TAMM41: variants seen among roughly 807,000 people sequenced by gnomAD.
The protein encoded by TAMM41 is phosphatidate cytidylyltransferase, mitochondrial.
A neutral mutation model predicts 44.1 loss-of-function variants in TAMM41; 36 were observed. The ratio of observed to expected loss-of-function variants is 0.82; its 90% CI spans 0.63 to 1.08. The LOEUF (loss-of-function observed/expected upper bound fraction) is 1.08, where lower values mean the gene tolerates loss of function less well. Ranked by LOEUF, TAMM41 falls within the 50% of genes least tolerant of loss-of-function variation. The pLI is 0.00. For synonymous variants in TAMM41, 164 were observed against 153.1 expected (o/e 1.07, Z -0.53); for missense variants, 417 against 404.3 (o/e 1.03, Z -0.27).
At chr3:11,828,836 C>T (rs553236438) in intron 4 of TAMM41, among the ~76,000 whole-genome samples, 12 of 152,162 alleles carry the variant, frequency 7.9e-5, no homozygotes, top group Admixed American at 1.3e-4. Flanking sequence ...CCTGTCTGTA[C>T]TGGGATTTGG....
chr3:11,812,519 T>TG lies in TAMM41; in HGVS notation c.709-2838dup, dbSNP rs1295956022. ...TTATCGTCATTCCCAGGGACCCACT[T>TG]GGGAACACTTTGCTTCCTATCACTA... On this transcript the variant is annotated intron_variant, in intron 5 of 7. Transcript: ENST00000455809. Among the ~76,000 whole-genome samples the TG allele has an allele frequency of 7.9e-5, 12 of 152,266 alleles. No individual in the cohort carries two copies. In the South Asian group the frequency reaches 1.7e-3, roughly 21 times the overall value.
At chr3:11,808,924 T>C in intron 6 of TAMM41, 1 of 156,366 alleles carries the variant, frequency 6.4e-6, no homozygotes, top group Non-Finnish European at 1.4e-5. Context: ...TCTTGCTCTG[T>C]TGCCCAAGCT....
At chr3:11,746,454 T>A in the TAMM41 span, among the ~76,000 whole-genome samples, 4 of 151,428 alleles carry the variant, frequency 2.6e-5, no homozygotes, top group East Asian at 7.8e-4. Flanking sequence ...AAGCTGAAAA[T>A]AAGTTAAATG....
chr3:11,809,735 A>T, intron 5 of TAMM41, 53 bp from the exon 6 acceptor site: 3 of 1,550,202 alleles, frequency 1.9e-6, no homozygotes, highest in Non-Finnish European at 2.6e-6. Flanking sequence ...AAATCCTACA[A>T]ATACTCCAAA....
At chr3:11,743,875 G>T in the TAMM41 span, among the ~76,000 whole-genome samples, 1 of 152,022 alleles carries the variant, frequency 6.6e-6, no homozygotes, top group Non-Finnish European at 1.5e-5. Context: ...TGCAGACCTA[G>T]TATCCCCAGC....
At chr3:11,727,346 G>A in the TAMM41 span, among the ~76,000 whole-genome samples, 1 of 152,196 alleles carries the variant, frequency 6.6e-6, no homozygotes, top group Non-Finnish European at 1.5e-5. Context: ...GAGCCTGCTA[G>A]AAATGCAGGC....
intron 2 of TAMM41, among the ~76,000 whole-genome samples, chr3:11,843,344 G>C (rs1420767238): frequency 1.3e-5 from 2 of 152,220 alleles, no homozygotes; most frequent in African/African-American, 4.8e-5. Context: ...CAGAACTCTG[G>C]GGGTGGGGCC....
rs147757371 is a variant in TAMM41 at position 11,815,986 on chromosome 3, C to A, written c.708+1206G>T. Among the ~76,000 whole-genome samples the A allele has an allele frequency of 2.8e-3, 427 of 152,320 alleles. 2 individuals carry two copies. The highest frequency in any genetic ancestry group is 0.01 in the Middle Eastern group (3 of 294). On this transcript the variant is annotated intron_variant, in intron 5 of 7. Transcript: ENST00000455809. ...TGTACATGCATAAAACAAAAAACCTCAACCTGAACCAAATGTGGCAAAATC... is the reference window on the plus strand; with the variant it reads ...TGTACATGCATAAAACAAAAAACCTAAACCTGAACCAAATGTGGCAAAATC...
chr3:11,783,038 G>A, the TAMM41 span, among the ~76,000 whole-genome samples: 12,754 of 152,166 alleles, frequency 0.084, 1,185 homozygotes, highest in East Asian at 0.46. Context: ...CTCTGGCCAT[G>A]GAGACCCTCA....
In TAMM41 at chr3:11,846,560, A is replaced by C. The variant is rs760510221; in HGVS notation, c.77T>G (p.Leu26Arg). 2.5e-6 allele frequency: 4 copies of C among 1,614,228 alleles called. No homozygotes were observed. Among genetic ancestry groups the C allele is most frequent in the Middle Eastern group, 1.6e-4 (1 of 6,062 alleles). The change falls in exon 1 of 8, where the codon CTG becomes CGG. Residue 26 changes from leucine (L) to arginine (R), a missense_variant. Transcript: ENST00000455809. ...ILSHFPEELS[L>R]AFVYGSGVYR... Reference sequence around the variant, plus strand: ...CACCCCGGAGCCGTAGACGAAAGCCAGACTCAGCTCCTCGGGGAAGTGAGA... The same window carrying C: ...CACCCCGGAGCCGTAGACGAAAGCCCGACTCAGCTCCTCGGGGAAGTGAGA...
chr3:11,734,667 G>A, the TAMM41 span, among the ~76,000 whole-genome samples: 2 of 152,130 alleles, frequency 1.3e-5, no homozygotes, highest in South Asian at 4.1e-4. Flanking sequence ...CTCATGATTA[G>A]CAGGGAAGAA....
At position 11,790,560 on chromosome 3, in the gene TAMM41, T is replaced by C. The variant is rs1040844989; in HGVS notation, c.959A>G (p.Tyr320Cys). Reference sequence around the variant, plus strand: ...CATTTTGTGCAGTTTTAGTGAACTATAAATCACTGACTTCTTCAGGCCTAA... The same window carrying C: ...CATTTTGTGCAGTTTTAGTGAACTACAAATCACTGACTTCTTCAGGCCTAA... ...FTAGLKKSVIYSSLKLHKMWK... is the reference protein window; with the variant it reads ...FTAGLKKSVICSSLKLHKMWK... Residue 320 changes from tyrosine to cysteine, a missense_variant, in exon 8 of 8, where the codon TAT becomes TGT. Transcript: ENST00000455809. The C allele has an allele frequency of 6.2e-7, 1 of 1,614,044 alleles. No individual in the cohort carries two copies. Among genetic ancestry groups the C allele is most frequent in the Non-Finnish European group, 8.5e-7 (1 of 1,179,962 alleles).
chr3:11,741,921 G>A, the TAMM41 span, among the ~76,000 whole-genome samples: 1 of 150,188 alleles, frequency 6.7e-6, no homozygotes, highest in South Asian at 2.1e-4. Context: ...AGCGTCTGCA[G>A]CATGGATATG....
intron 7 of TAMM41, among the ~76,000 whole-genome samples, chr3:11,806,873 A>G (rs2077923652): frequency 6.6e-6 from 1 of 152,258 alleles, no homozygotes; most frequent in Non-Finnish European, 1.5e-5. Flanking sequence ...CAAAGGATTA[A>G]GAATCAGATT....
chr3:11,836,496 C>A (rs1254657378), intron 3 of TAMM41, among the ~76,000 whole-genome samples: 1 of 152,198 alleles, frequency 6.6e-6, no homozygotes, highest in Non-Finnish European at 1.5e-5. Flanking sequence ...CAGAGTCTCG[C>A]TTTGTCACCC....
intron 4 of TAMM41, chr3:11,826,927 T>C (rs1157868768): frequency 6.6e-6 from 1 of 152,232 alleles, no homozygotes; most frequent in East Asian, 1.9e-4. Context: ...CTATTTTCCC[T>C]GCCATTAAGC....
At position 11,830,510 on chromosome 3, in the gene TAMM41, C is replaced by T. The variant is rs114297651; in HGVS notation, c.412-646G>A. ...GTGCCTAGAATACTAGCAACTGCTT[C>T]GCTCAGAAAGAATTTTTCTCCTCAA... On this transcript the variant is annotated intron_variant, in intron 3 of 7. Coordinates refer to ENST00000455809, the MANE Select transcript of TAMM41 (RefSeq NM_001284401.2). Among the ~76,000 whole-genome samples, 840 of 152,290 alleles carry T rather than the reference C, an allele frequency of 5.5e-3. 8 individuals are homozygous for T. The highest frequency in any genetic ancestry group is 0.019 in the African/African-American group (794 of 41,564).
the TAMM41 span, among the ~76,000 whole-genome samples, chr3:11,784,048 C>G: frequency 1.3e-5 from 2 of 152,200 alleles, no homozygotes; most frequent in South Asian, 4.1e-4. Flanking sequence ...TACAACAACC[C>G]GATACAGACA....
chr3:11,782,351 G>A, the TAMM41 span, among the ~76,000 whole-genome samples: 1 of 152,078 alleles, frequency 6.6e-6, no homozygotes, highest in Non-Finnish European at 1.5e-5. Flanking sequence ...CTCAAGACCA[G>A]CCTAGGCAAC....
Sources: gnomAD v4.1 joint callset for allele counts (sites outside exome capture counted in the v4.1 genomes callset) on GRCh38, gnomAD v4.1.1 for gene constraint, MANE v1.5 for transcripts, NCBI Gene and HGNC (gene_info 2026-07-23, HGNC 2026-07-21) for gene names.